Variants in SRGAP3 observed in about 807,000 individuals in gnomAD.
SRGAP3 encodes SLIT-ROBO Rho GTPase activating protein 3, also known as SLIT-ROBO Rho GTPase-activating protein 3.
Under a neutral mutation model 121.1 loss-of-function variants are expected in SRGAP3, and 39 were observed. That is an observed-to-expected ratio of 0.32 (90% CI 0.25 to 0.42). The LOEUF is 0.42. Ranked by LOEUF, SRGAP3 falls within the 10% of genes least tolerant of loss-of-function variation. The pLI, the probability that SRGAP3 is intolerant of heterozygous loss-of-function variation, is 1.00. For synonymous variants in SRGAP3, 601 were observed against 570.0 expected (o/e 1.05, Z -0.77); for missense variants, 1,213 against 1,470.6 (o/e 0.82, Z 2.86).
chr3:9,147,812 C>T (rs897928837), intron 1 of SRGAP3, among the ~76,000 whole-genome samples: 3 of 152,152 alleles, frequency 2.0e-5, no homozygotes, highest in African/African-American at 7.2e-5. Flanking sequence ...GAAAGGAATG[C>T]AGCCTGTGCC....
intron 1 of SRGAP3, among the ~76,000 whole-genome samples, chr3:9,191,687 G>T (rs1357224999): frequency 1.3e-5 from 2 of 152,222 alleles, no homozygotes; most frequent in Non-Finnish European, 1.5e-5. Flanking sequence ...TATGGGAGAT[G>T]ATATCATTTG....
chr3:9,046,979 C>T (rs947975387), intron 10 of SRGAP3, among the ~76,000 whole-genome samples: 57 of 152,006 alleles, frequency 3.7e-4, no homozygotes, highest in African/African-American at 1.2e-3. Context: ...TACAGGCGCC[C>T]GCCACCACGC....
At chr3:9,308,000 C>G (rs943453629) in intron 3 of SRGAP3, among the ~76,000 whole-genome samples, 1 of 152,174 alleles carries the variant, frequency 6.6e-6, no homozygotes, top group Non-Finnish European at 1.5e-5. Flanking sequence ...ACTAAAAATA[C>G]AAAAATTAGC....
chr3:9,218,010 A>G lies in SRGAP3; in HGVS notation c.67+30875T>C, dbSNP rs897591138. The G allele has an allele frequency of 6.6e-6, 1 of 152,220 alleles. No homozygotes were observed. Among genetic ancestry groups the G allele is most frequent in the African/African-American group, 2.4e-5 (1 of 41,456 alleles). The allele number at this position is 152,220 out of a possible 1,614,324, so 9.4% of individuals were successfully genotyped here. A position where few individuals can be genotyped will look rare whatever the true frequency, so the allele number is the denominator to read the frequency against. On this transcript the variant is annotated intron_variant, in intron 1 of 21. Transcript: ENST00000383836. This position sits in a 1 kb window ranked among gnomAD's most constrained non-coding sequence, Gnocchi z 5.3. ...CAGGGAAAAAGCTAACACAACCTTTAAGCCGCATTAACAGGATCAAGGGAT... is the reference window on the plus strand; with the variant it reads ...CAGGGAAAAAGCTAACACAACCTTTGAGCCGCATTAACAGGATCAAGGGAT...
At chr3:9,060,912 G>A (rs532281223) in intron 5 of SRGAP3, among the ~76,000 whole-genome samples, 1 of 152,286 alleles carries the variant, frequency 6.6e-6, no homozygotes, top group East Asian at 1.9e-4. Context: ...ATGAGCAGCA[G>A]CCTCTGACGG....
intron 2 of SRGAP3, among the ~76,000 whole-genome samples, chr3:9,328,849 G>A (rs1489036416): frequency 6.6e-6 from 1 of 152,156 alleles, no homozygotes; most frequent in African/African-American, 2.4e-5. Flanking sequence ...ACTTGCAAAG[G>A]CTTTTAACTA....
At chr3:9,227,933 A>G (rs1390036047) in intron 1 of SRGAP3, among the ~76,000 whole-genome samples, 2 of 152,194 alleles carry the variant, frequency 1.3e-5, no homozygotes, top group African/African-American at 2.4e-5. Flanking sequence ...GGGAGTCTCC[A>G]TGGTGAAGTT....
intron 3 of SRGAP3, among the ~76,000 whole-genome samples, chr3:9,277,811 G>C (rs1241178646): frequency 6.6e-6 from 1 of 151,966 alleles, no homozygotes; most frequent in Non-Finnish European, 1.5e-5. Context: ...ATAAATATTT[G>C]TGTCCCCTCC....
chr3:9,323,798 A>AACAGAC (rs1553574436), intron 3 of SRGAP3, among the ~76,000 whole-genome samples: 1 of 148,778 alleles, frequency 6.7e-6, no homozygotes. Flanking sequence ...CTGTGTATCT[A>AACAGAC]ACACACACAC....
chr3:9,304,841 G>C (rs1227576197), intron 3 of SRGAP3, among the ~76,000 whole-genome samples: 1 of 152,106 alleles, frequency 6.6e-6, no homozygotes, highest in Non-Finnish European at 1.5e-5. Context: ...CAGTCCACTG[G>C]GTTGCAACAG....
chr3:9,162,896 G>A (rs1254217118), intron 1 of SRGAP3, among the ~76,000 whole-genome samples: 1 of 152,234 alleles, frequency 6.6e-6, no homozygotes, highest in Non-Finnish European at 1.5e-5. Flanking sequence ...GGCAGTGTCT[G>A]GCAGTGGATG....
chr3:9,172,935 G>A (rs1951036990), intron 1 of SRGAP3, among the ~76,000 whole-genome samples: 1 of 152,242 alleles, frequency 6.6e-6, no homozygotes, highest in East Asian at 1.9e-4. Context: ...GACGCCGCAG[G>A]CAGGAAGGCC....
At chr3:9,096,274 T>C (rs560090586) in intron 3 of SRGAP3, among the ~76,000 whole-genome samples, 81 of 152,304 alleles carry the variant, frequency 5.3e-4, no homozygotes, top group South Asian at 3.7e-3. Flanking sequence ...ATGAAATATT[T>C]ATATATGAAT....
At chr3:9,009,587 C>T (rs931034152) in intron 18 of SRGAP3, among the ~76,000 whole-genome samples, 5 of 152,168 alleles carry the variant, frequency 3.3e-5, no homozygotes, top group African/African-American at 1.2e-4. Context: ...GCCCTTGGCA[C>T]TATGCCTACT....
chr3:9,201,078 C>G (rs967219151), intron 1 of SRGAP3, among the ~76,000 whole-genome samples: 4 of 152,154 alleles, frequency 2.6e-5, no homozygotes, highest in Non-Finnish European at 4.4e-5. Context: ...CAATCCTGGT[C>G]CAGATGGATA....
rs553914685 is a variant in SRGAP3 at position 9,113,989 on chromosome 3, G to A, written c.261-9147C>T. 2.0e-3 allele frequency among the ~76,000 whole-genome samples: 299 copies of A among 152,332 alleles called. 1 individual carries two copies. The highest frequency in any genetic ancestry group is 0.01 in the Middle Eastern group (3 of 294). ...TGAGGCTGCCATGCTGGGAGCCAGA[G>A]AGCGCAGTTCAGGGCCTAGCTCTGG... On this transcript the variant is annotated intron_variant, in intron 2 of 21. Coordinates refer to ENST00000383836, the MANE Select transcript of SRGAP3 (RefSeq NM_014850.4).
intron 1 of SRGAP3, among the ~76,000 whole-genome samples, chr3:9,214,322 T>TG (rs1457028714): frequency 5.9e-5 from 9 of 152,198 alleles, no homozygotes; most frequent in African/African-American, 2.2e-4. Flanking sequence ...AACAGTCATA[T>TG]GGGGCAGGTA....
intron 1 of SRGAP3, among the ~76,000 whole-genome samples, chr3:9,183,453 A>G (rs1483557245): frequency 6.6e-6 from 1 of 152,114 alleles, no homozygotes; most frequent in Non-Finnish European, 1.5e-5. Flanking sequence ...GTAAGCATTC[A>G]AGAAAACCTA....
intron 3 of SRGAP3, among the ~76,000 whole-genome samples, chr3:9,277,942 T>C (rs1310693676): frequency 6.6e-6 from 1 of 152,128 alleles, no homozygotes; most frequent in Non-Finnish European, 1.5e-5. Context: ...AGTGCCTTTA[T>C]AAAAGAGGCC....
Sources: gnomAD v4.1 joint callset for allele counts (sites outside exome capture counted in the v4.1 genomes callset) on GRCh38, gnomAD v4.1.1 for gene constraint, Gnocchi (gnomAD v3.1) non-coding constraint, MANE v1.5 for transcripts, NCBI Gene and HGNC (gene_info 2026-07-23, HGNC 2026-07-21) for gene names.